Variants in ZFHX3 observed in about 807,000 individuals in gnomAD.
The protein encoded by ZFHX3 is zinc finger homeobox 3.
In ZFHX3, 42 loss-of-function variants were observed where a neutral mutation model predicts 279.1. That is an observed-to-expected ratio of 0.15 (90% CI 0.12 to 0.19). The LOEUF (loss-of-function observed/expected upper bound fraction) is 0.19. ZFHX3 is among the 10% of genes least tolerant of loss of function. The pLI is 1.00. For missense variants in ZFHX3, 4,981 were observed against 4,754.0 expected (o/e 1.05, Z -1.40); for synonymous variants, 2,293 against 1,957.8 (o/e 1.17, Z -4.52).
At chr16:73,728,032 A>G (rs967447989) in intron 1 of ZFHX3, among the ~76,000 whole-genome samples, 1 of 15,976 alleles carries the variant, frequency 6.3e-5, no homozygotes, top group Non-Finnish European at 1.7e-4. Flanking sequence ...CCCCGCCCCC[A>G]ATAATTCATA....
At chr16:73,664,838 A>AT (rs1257004039) in intron 2 of ZFHX3, among the ~76,000 whole-genome samples, 1 of 152,248 alleles carries the variant, frequency 6.6e-6, no homozygotes, top group African/African-American at 2.4e-5. Flanking sequence ...ATAAAGGACA[A>AT]TAACTTTTCC....
At chr16:72,961,354 C>A (rs182235912) in intron 1 of ZFHX3, among the ~76,000 whole-genome samples, 1 of 152,328 alleles carries the variant, frequency 6.6e-6, no homozygotes, top group Non-Finnish European at 1.5e-5. Context: ...ACCTCATGTC[C>A]CTGGGGAGGG....
At chr16:73,613,676 A>G (rs966191190) in intron 2 of ZFHX3, among the ~76,000 whole-genome samples, 7 of 152,230 alleles carry the variant, frequency 4.6e-5, no homozygotes, top group Admixed American at 1.3e-4. Context: ...TAAATGGAGT[A>G]TTATAGCTAC....
intron 5 of ZFHX3, among the ~76,000 whole-genome samples, chr16:73,224,625 G>A (rs1021048097): frequency 6.6e-6 from 1 of 152,090 alleles, no homozygotes; most frequent in African/African-American, 2.4e-5. Context: ...ATAGGAAAAA[G>A]GACTCTATTA....
intron 1 of ZFHX3, among the ~76,000 whole-genome samples, chr16:73,007,933 T>C (rs1458266669): frequency 1.3e-5 from 2 of 152,318 alleles, no homozygotes; most frequent in East Asian, 3.9e-4. Flanking sequence ...TTTTCTATCA[T>C]ATCAATTCCT....
chr16:73,290,451 G>A (rs1960719527), intron 4 of ZFHX3, among the ~76,000 whole-genome samples: 1 of 152,154 alleles, frequency 6.6e-6, no homozygotes, highest in African/African-American at 2.4e-5. Context: ...GGGGTGGGCA[G>A]GGGCCTGTTT....
intron 3 of ZFHX3, among the ~76,000 whole-genome samples, chr16:72,930,037 G>A (rs185489925): frequency 1.9e-3 from 290 of 152,306 alleles, no homozygotes; most frequent in African/African-American, 6.7e-3. Context: ...GGCCAACATG[G>A]TGAAACTCCG....
rs1467940145 is a variant in ZFHX3 at position 72,802,639 on chromosome 16, T to C, written c.3865-2510A>G. Among the ~76,000 whole-genome samples, 5 of 152,278 alleles carry C rather than the reference T, an allele frequency of 3.3e-5. No individual in the cohort carries two copies. The South Asian group carries it at 8.3e-4, about 25-fold the overall frequency. The stretch of plus-strand genomic sequence containing the variant: ...AGAGGAAGATTCCTAAAGAGAATCC[T>C]AAGGATCTGGAAATTCAGGTGGCGT... On this transcript the variant is annotated intron_variant, in intron 7 of 9. Coordinates refer to ENST00000268489, the MANE Select transcript of ZFHX3 (RefSeq NM_006885.4).
At chr16:73,853,794 G>A (rs978559547) in intron 1 of ZFHX3, among the ~76,000 whole-genome samples, 4 of 152,028 alleles carry the variant, frequency 2.6e-5, no homozygotes, top group East Asian at 1.9e-4. Context: ...ATATGCCCAC[G>A]TATCAAACAA....
intron 2 of ZFHX3, among the ~76,000 whole-genome samples, chr16:73,464,383 A>T (rs2018526114): frequency 6.6e-6 from 1 of 152,084 alleles, no homozygotes; most frequent in African/African-American, 2.4e-5. Context: ...TTCAGCTTAA[A>T]AGGAGACTTT....
At chr16:73,588,705 A>AC (rs995904212) in intron 2 of ZFHX3, among the ~76,000 whole-genome samples, 4 of 144,448 alleles carry the variant, frequency 2.8e-5, no homozygotes, top group African/African-American at 1.1e-4. Flanking sequence ...CAAAAAACAA[A>AC]ACAAAAAAAA....
intron 1 of ZFHX3, among the ~76,000 whole-genome samples, chr16:73,772,338 C>A (rs1320221822): frequency 6.6e-6 from 1 of 152,206 alleles, no homozygotes; most frequent in Non-Finnish European, 1.5e-5. Flanking sequence ...ACGTGGATGG[C>A]AGCAGGCAAA....
At chr16:73,253,294 G>T (rs1452857725) in intron 5 of ZFHX3, among the ~76,000 whole-genome samples, 2 of 152,082 alleles carry the variant, frequency 1.3e-5, no homozygotes, top group Non-Finnish European at 2.9e-5. Flanking sequence ...CAAGAGTGTG[G>T]GTGTAATGAA....
chr16:73,429,910 C>G (rs935896062), intron 3 of ZFHX3, among the ~76,000 whole-genome samples: 4 of 151,618 alleles, frequency 2.6e-5, no homozygotes, highest in African/African-American at 9.7e-5. Flanking sequence ...TGGTTCGAGA[C>G]AGGGCCTTGC....
chr16:73,322,748 G>A (rs967338300), intron 3 of ZFHX3, among the ~76,000 whole-genome samples: 6 of 152,226 alleles, frequency 3.9e-5, no homozygotes, highest in East Asian at 1.9e-4. Flanking sequence ...TTTACTGAAC[G>A]CCCACTAATG....
chr16:73,717,027 C>T (rs541777408), intron 1 of ZFHX3, among the ~76,000 whole-genome samples: 9 of 152,016 alleles, frequency 5.9e-5, no homozygotes, highest in South Asian at 2.1e-4. Context: ...TGAGTGCAAG[C>T]GCCATAGAAC....
intron 3 of ZFHX3, among the ~76,000 whole-genome samples, chr16:72,947,946 A>C (rs1212530659): frequency 6.6e-6 from 1 of 152,234 alleles, no homozygotes; most frequent in Non-Finnish European, 1.5e-5. Context: ...CTAGAGAAAA[A>C]GTGACTCTCA....
chr16:73,155,387 C>G (rs1200220462), intron 5 of ZFHX3, among the ~76,000 whole-genome samples: 1 of 152,140 alleles, frequency 6.6e-6, no homozygotes, highest in Admixed American at 6.5e-5. Context: ...CAGCAAGGAT[C>G]TTGTTGCCCA....
At chr16:72,967,223 T>C (rs920125407) in intron 1 of ZFHX3, among the ~76,000 whole-genome samples, 1 of 152,182 alleles carries the variant, frequency 6.6e-6, no homozygotes, top group African/African-American at 2.4e-5. Flanking sequence ...AAAATGGAAC[T>C]GGGGCTCCTT....
Sources: allele counts gnomAD v4.1 joint callset (sites outside exome capture counted in the v4.1 genomes callset), GRCh38; gene constraint gnomAD v4.1.1; transcripts MANE v1.5; gene names NCBI Gene and HGNC (gene_info 2026-07-23, HGNC 2026-07-21).